Variants in PDS5B observed in about 807,000 individuals in gnomAD.
PDS5B encodes the protein sister chromatid cohesion protein PDS5 homolog B.
PDS5B carries 51 observed loss-of-function variants against 184.1 expected under a neutral mutation model. The observed-to-expected ratio is 0.28, with a 90% CI of 0.22 to 0.35. The LOEUF is 0.35. Among genes scored for constraint, PDS5B ranks in the 10% least tolerant of loss-of-function variants. The pLI is 1.00. For missense variants in PDS5B, 1,180 were observed against 1,723.3 expected (o/e 0.68, Z 5.58); for synonymous variants, 566 against 569.2 (o/e 0.99, Z 0.08).
intron 7 of PDS5B, among the ~76,000 whole-genome samples, chr13:32,669,478 C>T (rs970120655): frequency 6.6e-6 from 1 of 151,810 alleles, no homozygotes; most frequent in Admixed American, 6.6e-5. Flanking sequence ...TGATTAGGTT[C>T]GTTATACTGT....
intron 2 of PDS5B, chr13:32,650,346 T>C (rs897152352): frequency 4.6e-5 from 7 of 152,224 alleles, no homozygotes; most frequent in Non-Finnish European, 8.8e-5. Context: ...TTTCCTAATT[T>C]ATAGTTCCAT....
intron 33 of PDS5B, chr13:32,771,031 G>A (rs1954766994): frequency 3.3e-6 from 1 of 307,588 alleles, no homozygotes; most frequent in Admixed American, 4.8e-5. Flanking sequence ...GAAATCATAA[G>A]GTATTTTTAA....
At position 32,683,850 on chromosome 13, in the gene PDS5B, T is replaced by G. The variant is rs767952800; in HGVS notation, c.1058-28T>G. The G allele has an allele frequency of 1.9e-5, 28 of 1,498,510 alleles. No individual in the cohort carries two copies. In the South Asian group the frequency reaches 3.1e-4, roughly 17 times the overall value. 92.8% of individuals were successfully genotyped at this position (1,498,510 alleles called of 1,614,324 possible). ...TAAAAATATTTTAGTTATTAAAATT[T>G]CCACTGTAATAAAATGTTATCTTTC... On this transcript the variant is annotated intron_variant, in intron 10 of 34. Coordinates refer to ENST00000315596, the MANE Select transcript of PDS5B (RefSeq NM_015032.4).
chr13:32,679,011 C>CT lies in PDS5B; in HGVS notation c.1057+88dup, dbSNP rs1428462906. 1.5e-5 allele frequency: 10 copies of CT among 661,474 alleles called. No individual in the cohort carries two copies. In the East Asian group the frequency reaches 2.8e-4, roughly 19 times the overall value. 41.0% of individuals were successfully genotyped at this position (661,474 alleles called of 1,614,324 possible). On this transcript the variant is annotated intron_variant, in intron 10 of 34. Coordinates refer to ENST00000315596, the MANE Select transcript of PDS5B (RefSeq NM_015032.4). ...AGTTTCATAGGGGGAAAAAAAACCC[C>CT]TTTTTTCGGGGGTGGTAGGTGAAGT...
intron 19 of PDS5B, among the ~76,000 whole-genome samples, chr13:32,727,870 A>G (rs200594875): frequency 7.1e-6 from 1 of 141,726 alleles, no homozygotes; most frequent in African/African-American, 2.6e-5. Flanking sequence ...TTTTTTTTTA[A>G]TCTATTCTCT....
chr13:32,639,850 C>T (rs1489607670), intron 1 of PDS5B, among the ~76,000 whole-genome samples: 1 of 152,212 alleles, frequency 6.6e-6, no homozygotes, highest in Non-Finnish European at 1.5e-5. Flanking sequence ...TTTAAATTAA[C>T]ATGGCCCAGT....
intron 1 of PDS5B, among the ~76,000 whole-genome samples, chr13:32,624,039 A>T (rs1018800): frequency 0.32 from 46,425 of 147,100 alleles, 7,588 homozygotes; most frequent in Non-Finnish European, 0.37. Flanking sequence ...CCTTTTTTTT[A>T]AAAAAAAAAA....
At chr13:32,748,464 C>CTTT (rs370828607) in intron 24 of PDS5B, among the ~76,000 whole-genome samples, 3 of 141,812 alleles carry the variant, frequency 2.1e-5, no homozygotes, top group African/African-American at 5.1e-5. Context: ...GGCTCTTCCT[C>CTTT]TTTTTTTTTT....
chr13:32,721,643 G>A lies in PDS5B; in HGVS notation c.2124-10458G>A, dbSNP rs571866083. Among the ~76,000 whole-genome samples the A allele has an allele frequency of 5.3e-4, 77 of 144,672 alleles. No individual in the cohort carries two copies. The South Asian group carries it at 0.017, about 31-fold the overall frequency. The allele number at this position is 144,672 out of a possible 152,430, so 94.9% of individuals were successfully genotyped here. On this transcript the variant is annotated intron_variant, in intron 19 of 34. Coordinates refer to ENST00000315596, the MANE Select transcript of PDS5B (RefSeq NM_015032.4). ...AGAGGTGCTCCTCACATCCCAGACG[G>A]GGCGGCCGGGCAGAGGCGCTCCCCA...
intron 6 of PDS5B, among the ~76,000 whole-genome samples, chr13:32,665,609 A>G (rs1489028640): frequency 1.3e-5 from 2 of 150,424 alleles, no homozygotes; most frequent in Admixed American, 6.6e-5. Context: ...AAAAAAAAAA[A>G]AAAAAGAAAA....
At chr13:32,617,849 T>A (rs2058241477) in intron 1 of PDS5B, among the ~76,000 whole-genome samples, 1 of 152,240 alleles carries the variant, frequency 6.6e-6, no homozygotes, top group African/African-American at 2.4e-5. Flanking sequence ...GTTCTTTATA[T>A]ATTCTGATTA....
chr13:32,644,842 AAT>A (rs1950179901), intron 1 of PDS5B, among the ~76,000 whole-genome samples: 2 of 152,276 alleles, frequency 1.3e-5, no homozygotes, highest in South Asian at 4.1e-4. Flanking sequence ...ATATAATTTA[AAT>A]ATGATTTTCT....
chr13:32,670,882 AT>A (rs1950918529), intron 7 of PDS5B, among the ~76,000 whole-genome samples: 2 of 152,212 alleles, frequency 1.3e-5, no homozygotes, highest in African/African-American at 2.4e-5. Context: ...AATGTGAAAT[AT>A]TTTGTAATTA....
intron 1 of PDS5B, among the ~76,000 whole-genome samples, chr13:32,629,344 C>T (rs903620774): frequency 6.6e-6 from 1 of 151,674 alleles, no homozygotes; most frequent in Non-Finnish European, 1.5e-5. Flanking sequence ...GTGTTGGCTG[C>T]ATTTCTTGTA....
At chr13:32,608,524 G>A (rs1364724948) in intron 1 of PDS5B, among the ~76,000 whole-genome samples, 2 of 152,144 alleles carry the variant, frequency 1.3e-5, no homozygotes. Context: ...TCTGAGTCTG[G>A]TGCTAGACTT....
chr13:32,661,385 C>CA (rs747985772), intron 6 of PDS5B, among the ~76,000 whole-genome samples: 3,910 of 31,962 alleles, frequency 0.12, 956 homozygotes, highest in Non-Finnish European at 0.13. Flanking sequence ...GACTCTGTCT[C>CA]AAAAAAAAAA....
intron 1 of PDS5B, among the ~76,000 whole-genome samples, chr13:32,602,990 A>G (rs1241993174): frequency 6.6e-6 from 1 of 152,208 alleles, no homozygotes; most frequent in Non-Finnish European, 1.5e-5. Flanking sequence ...GATTCTGGAT[A>G]TTAGCCCTTT....
At chr13:32,663,687 C>T (rs115727737) in intron 6 of PDS5B, among the ~76,000 whole-genome samples, 2,114 of 152,158 alleles carry the variant, frequency 0.014, 39 homozygotes, top group African/African-American at 0.048. Flanking sequence ...AAAAGGCAAA[C>T]ATGCTTTAAA....
At chr13:32,660,402 T>C (rs911990252) in intron 6 of PDS5B, among the ~76,000 whole-genome samples, 1 of 152,210 alleles carries the variant, frequency 6.6e-6, no homozygotes, top group Non-Finnish European at 1.5e-5. Flanking sequence ...TGCCACAAGC[T>C]CTACTGCCTG....
Sources: allele counts gnomAD v4.1 joint callset (sites outside exome capture counted in the v4.1 genomes callset), GRCh38; gene constraint gnomAD v4.1.1; transcripts MANE v1.5; gene names NCBI Gene and HGNC (gene_info 2026-07-23, HGNC 2026-07-21).